The following ZNF717 variants were observed in gnomAD, a reference collection of about 807,000 sequenced individuals.
ZNF717 encodes the protein krueppel-like factor X17.
ZNF717 carries 9 observed loss-of-function variants against 13.8 expected under a neutral mutation model. The ratio of observed to expected loss-of-function variants is 0.65; its 90% CI spans 0.39 to 1.14. The LOEUF (loss-of-function observed/expected upper bound fraction) is 1.14, where lower values mean the gene tolerates loss of function less well. ZNF717 is among the 50% of genes most tolerant of loss of function. The pLI is 0.01. For synonymous variants in ZNF717, 327 were observed against 364.1 expected, an observed-to-expected ratio of 0.90 and a Z score of 1.16; for missense variants, 1,040 against 1,080.7, an observed-to-expected ratio of 0.96 and a Z score of 0.53.
At chr3:75,775,983 T>C (rs1386458231) in intron 2 of ZNF717, among the ~76,000 whole-genome samples, 2 of 152,184 alleles carry the variant, frequency 1.3e-5, no homozygotes, top group Non-Finnish European at 2.9e-5. Flanking sequence ...AAATCACCAA[T>C]ACTGAAATTG....
intron 2 of ZNF717, among the ~76,000 whole-genome samples, chr3:75,757,800 G>A (rs79069146): frequency 6.6e-6 from 1 of 151,904 alleles, no homozygotes; most frequent in African/African-American, 2.4e-5. Flanking sequence ...ATTTAATAAA[G>A]AAGATCAAAA....
chr3:75,699,110 A>T (rs1242842039), intron 6 of ZNF717, among the ~76,000 whole-genome samples: 1 of 152,312 alleles, frequency 6.6e-6, no homozygotes, highest in African/African-American at 2.4e-5. Flanking sequence ...CTTTTGGCTG[A>T]TTTCTTCCTT....
chr3:75,705,082 T>C (rs1937777451), downstream of ZNF717, among the ~76,000 whole-genome samples: 1 of 145,392 alleles, frequency 6.9e-6, no homozygotes, highest in Non-Finnish European at 1.5e-5. Context: ...CAGTTTTCTC[T>C]CATTTCTTAA....
intron 5 of ZNF717, chr3:75,730,640 A>G (rs1232586915): frequency 2.8e-6 from 2 of 702,018 alleles, no homozygotes; most frequent in Non-Finnish European, 5.2e-6. Context: ...AGATTTTGAA[A>G]CTATCAGAAT....
chr3:75,764,152 T>C (rs1387134839), intron 2 of ZNF717, among the ~76,000 whole-genome samples: 1 of 152,180 alleles, frequency 6.6e-6, no homozygotes, highest in African/African-American at 2.4e-5. Context: ...TTATTCCAAA[T>C]AATGAGCTCC....
intron 2 of ZNF717, among the ~76,000 whole-genome samples, chr3:75,751,851 C>G (rs796261641): frequency 6.6e-6 from 1 of 151,636 alleles, no homozygotes; most frequent in African/African-American, 2.4e-5. Context: ...TTCTCCCTCA[C>G]GTAAGATTTC....
intron 2 of ZNF717, among the ~76,000 whole-genome samples, chr3:75,747,962 G>T (rs1941333978): frequency 6.6e-6 from 1 of 152,136 alleles, no homozygotes; most frequent in Admixed American, 6.6e-5. Context: ...TGATAAAGAA[G>T]AAAAGAGAGA....
downstream of ZNF717, among the ~76,000 whole-genome samples, chr3:75,705,059 T>TGAG (rs1937775753): frequency 6.6e-6 from 1 of 152,218 alleles, no homozygotes. Context: ...ATGGAGAACA[T>TGAG]AATTTTTCTT....
intron 2 of ZNF717, among the ~76,000 whole-genome samples, chr3:75,776,090 G>A (rs1159135251): frequency 6.6e-6 from 1 of 152,260 alleles, no homozygotes; most frequent in Non-Finnish European, 1.5e-5. Context: ...AGAAACAGCT[G>A]GTATTCAAGA....
At position 75,759,845 on chromosome 3, in the gene ZNF717, AGGTG is replaced by A. The variant is rs1942823222; in HGVS notation, c.58-18113_58-18110del. 3.9e-5 allele frequency among the ~76,000 whole-genome samples: 5 copies of A among 128,468 alleles called. No homozygotes were observed. In the South Asian group the frequency reaches 7.1e-4, roughly 18 times the overall value. 84.3% of individuals were successfully genotyped at this position (128,468 alleles called of 152,430 possible). A position where few individuals can be genotyped will look rare whatever the true frequency, so the allele number is the denominator to read the frequency against. On this transcript the variant is annotated intron_variant, in intron 2 of 4. Coordinates refer to ENST00000652011, the MANE Select transcript of ZNF717 (RefSeq NM_001290208.3). ...CAGCCTCCCAAAGTGCTGGGATTAC[AGGTG>A]TAAGCCACTGTACCCGGCAATTTTT...
At chr3:75,711,020 T>C (rs1475109661) in exon 6 of ZNF717, 1 of 152,194 alleles carries the variant, frequency 6.6e-6, no homozygotes, top group Non-Finnish European at 1.5e-5. Context: ...GTGACAATTT[T>C]TACTCATTCA....
At chr3:75,727,844 A>G (rs1938319070), downstream of ZNF717, among the ~76,000 whole-genome samples, 2 of 152,214 alleles carry the variant, frequency 1.3e-5, no homozygotes, top group Admixed American at 1.3e-4. Flanking sequence ...AATCCCTAAT[A>G]AAAACTGGCT....
At chr3:75,754,530 A>C (rs200484257) in intron 2 of ZNF717, among the ~76,000 whole-genome samples, 1 of 121,992 alleles carries the variant, frequency 8.2e-6, no homozygotes, top group Non-Finnish European at 1.9e-5. Context: ...CATTAGAACC[A>C]TCAACGTAAT....
chr3:75,713,980 A>G (rs1937997798), intron 5 of ZNF717, among the ~76,000 whole-genome samples: 1 of 152,144 alleles, frequency 6.6e-6, no homozygotes, highest in Non-Finnish European at 1.5e-5. Flanking sequence ...AGAGAGACAG[A>G]GAGGAGACAG....
intron 2 of ZNF717, among the ~76,000 whole-genome samples, chr3:75,753,628 C>T (rs367981795): frequency 1.9e-3 from 280 of 148,524 alleles, no homozygotes; most frequent in African/African-American, 6.1e-3. Context: ...AACACTGCTA[C>T]GAGGGTCTGA....
chr3:75,744,299 T>C (rs1455546537), intron 2 of ZNF717, among the ~76,000 whole-genome samples: 1 of 152,248 alleles, frequency 6.6e-6, no homozygotes, highest in African/African-American at 2.4e-5. Context: ...TGTAAGAAGC[T>C]TGGAAGTAAT....
intron 2 of ZNF717, among the ~76,000 whole-genome samples, chr3:75,774,690 G>A (rs796175364): frequency 4.3e-5 from 6 of 138,290 alleles, no homozygotes; most frequent in South Asian, 4.7e-4. Context: ...GTGCGATCTC[G>A]GCTCACTGCA....
chr3:75,783,497 T>C, intron 1 of ZNF717, 133 bp from the exon 2 acceptor site: 2 of 645,136 alleles, frequency 3.1e-6, no homozygotes, highest in Non-Finnish European at 5.3e-6. Context: ...AACTTCCCCA[T>C]GGGAGAAGAG....
At chr3:75,753,267 C>A (rs78868148) in intron 2 of ZNF717, among the ~76,000 whole-genome samples, 1 of 144,810 alleles carries the variant, frequency 6.9e-6, no homozygotes, top group Middle Eastern at 4.0e-3. Flanking sequence ...GTCTGTCCCT[C>A]ACATAACATT....
Sources: gnomAD v4.1 joint callset for allele counts (sites outside exome capture counted in the v4.1 genomes callset) on GRCh38, gnomAD v4.1.1 for gene constraint, MANE v1.5 for transcripts, NCBI Gene and HGNC (gene_info 2026-07-23, HGNC 2026-07-21) for gene names.